NPRL3: variants seen among roughly 807,000 people sequenced by gnomAD.
NPRL3 encodes NPR3 like, GATOR1 complex subunit.
A neutral mutation model predicts 57.2 loss-of-function variants in NPRL3; 23 were observed. The observed-to-expected ratio is 0.40, with a 90% confidence interval of 0.29 to 0.57. The LOEUF is 0.57. NPRL3 is among the 20% of genes least tolerant of loss of function. The pLI, the probability that NPRL3 is intolerant of heterozygous loss-of-function variation, is 0.42. For synonymous variants in NPRL3, 333 were observed against 321.1 expected, an observed-to-expected ratio of 1.04 and a Z score of -0.39; for missense variants, 691 against 767.1, an observed-to-expected ratio of 0.90 and a Z score of 1.17.
Position 86,890 on chromosome 16 carries a change from GT to G in NPRL3, c.1545-21del. 3 of 1,604,436 alleles carry G rather than the reference GT, an allele frequency of 1.9e-6. No homozygotes were observed. Among genetic ancestry groups the G allele is most frequent in the Non-Finnish European group, 2.6e-6 (3 of 1,175,016 alleles). On this transcript the variant is annotated intron_variant, in intron 13 of 13. Transcript: ENST00000611875. The stretch of plus-strand genomic sequence containing the variant: ...AGGAGCCTGGAAGGGATGGGTGGGT[GT>G]GAGCCCAACCTGACACCAGCCCCCA...
intron 7 of NPRL3, among the ~76,000 whole-genome samples, chr16:102,859 G>A (rs1348325092): frequency 2.6e-5 from 4 of 152,266 alleles, no homozygotes; most frequent in East Asian, 3.9e-4. Context: ...CAAGTATGTC[G>A]GGGCAGACAG....
At chr16:134,694 ATT>A (rs34425237) in intron 2 of NPRL3, among the ~76,000 whole-genome samples, 47 of 103,414 alleles carry the variant, frequency 4.5e-4, no homozygotes, top group Middle Eastern at 6.0e-3. Flanking sequence ...AATTATTATT[ATT>A]TTTTTTTTTT....
chr16:92,785 T>C, intron 10 of NPRL3, 60 bp from the exon 11 acceptor site: 1 of 1,594,592 alleles, frequency 6.3e-7, no homozygotes, highest in Non-Finnish European at 8.5e-7. Flanking sequence ...TTCTCAACAC[T>C]GGCCTCAGTG....
rs370737314 is a variant in NPRL3, at chr16:134,821, C to T, written c.118+3329G>A. On this transcript the variant is annotated intron_variant, in intron 2 of 13. Transcript: ENST00000611875. ...GGTTCACGCCATTCTCCTGCCTCAG[C>T]CTCCCGAGTAGCTGGGACTACAGGC... 9.1e-3 allele frequency among the ~76,000 whole-genome samples: 1,364 copies of T among 150,396 alleles called. 30 individuals are homozygous for T. The highest frequency in any genetic ancestry group is 0.032 in the African/African-American group (1,294 of 40,970).
intron 8 of NPRL3, among the ~76,000 whole-genome samples, chr16:99,609 C>T (rs920396809): frequency 6.9e-6 from 1 of 144,430 alleles, no homozygotes; most frequent in African/African-American, 2.6e-5. Context: ...TGCCACTGCA[C>T]TTGAGCCCCG....
At chr16:106,719 G>A (rs1308883415) in intron 7 of NPRL3, among the ~76,000 whole-genome samples, 1 of 148,608 alleles carries the variant, frequency 6.7e-6, no homozygotes, top group Non-Finnish European at 1.5e-5. Flanking sequence ...TAATCTCACA[G>A]CTTCTGGTCT....
At chr16:121,923 C>T (rs1008977197) in intron 3 of NPRL3, among the ~76,000 whole-genome samples, 3 of 150,406 alleles carry the variant, frequency 2.0e-5, no homozygotes, top group Admixed American at 1.3e-4. Flanking sequence ...TAGAGGCACC[C>T]GCCACCACGC....
intron 3 of NPRL3, among the ~76,000 whole-genome samples, chr16:125,442 G>T (rs1900474941): frequency 6.6e-6 from 1 of 152,318 alleles, no homozygotes; most frequent in Middle Eastern, 3.4e-3. Context: ...GTCCGGCAAT[G>T]CTCCATTTCC....
Position 98,279 on chromosome 16 carries a change from G to A in NPRL3, c.790C>T (p.Leu264Phe). 6.2e-7 allele frequency: 1 copy of A among 1,613,876 alleles called. No homozygotes were observed. The highest frequency in any genetic ancestry group is 8.5e-7 in the Non-Finnish European group (1 of 1,179,846). The change falls in exon 9 of 14, where the codon CTC (leucine) becomes TTC (phenylalanine). Residue 264 changes from leucine (L) to phenylalanine (F), a missense_variant. Leu to Phe is a conservative substitution (Grantham distance 22). Coordinates refer to ENST00000611875, the MANE Select transcript of NPRL3 (RefSeq NM_001077350.3). Reference protein sequence around the residue: ...AIRPYHALLLLSDEKSLLGEL... With the variant: ...AIRPYHALLLFSDEKSLLGEL... ...CCCAGCAAGGACTTCTCATCACTGA[G>A]CAGCAGCAGGGCATGGTAGGGGCTG...
Position 103,296 on chromosome 16 carries a change from ATTTTTTTTTTTTTTT to A in NPRL3, c.630-2802_630-2788del, listed in dbSNP as rs533871530. Reference sequence around the variant, plus strand: ...GACGTGCAACATCACGCCTGGGGTGATTTTTTTTTTTTTTTTTTTTTTTTTTTTTGTAGAGACAGG... The same window carrying A: ...GACGTGCAACATCACGCCTGGGGTGATTTTTTTTTTTTTTGTAGAGACAGG... On this transcript the variant is annotated intron_variant, in intron 7 of 13. Transcript: ENST00000611875. 2.1e-4 allele frequency among the ~76,000 whole-genome samples: 9 copies of A among 42,126 alleles called. No individual in the cohort carries two copies. In the South Asian group the frequency reaches 3.6e-3, roughly 17 times the overall value. The allele number at this position is 42,126 out of a possible 152,430, so 27.6% of individuals were successfully genotyped here. A position where few individuals can be genotyped will look rare whatever the true frequency, so the allele number is the denominator to read the frequency against.
chr16:121,138 C>A (rs1900262257), intron 3 of NPRL3, among the ~76,000 whole-genome samples: 1 of 152,198 alleles, frequency 6.6e-6, no homozygotes, highest in Non-Finnish European at 1.5e-5. Context: ...AGGCACCAGT[C>A]CAGGGACCAA....
intron 4 of NPRL3, among the ~76,000 whole-genome samples, chr16:117,872 C>T (rs1232273461): frequency 1.3e-5 from 2 of 152,246 alleles, no homozygotes; most frequent in Admixed American, 1.3e-4. Context: ...GACCAGGGCG[C>T]TCAAGGGAAG....
intron 13 of NPRL3, among the ~76,000 whole-genome samples, chr16:87,631 C>G (rs1317280596): frequency 6.7e-6 from 1 of 149,080 alleles, no homozygotes; most frequent in East Asian, 1.9e-4. Context: ...GCCTTCCCGC[C>G]ATTCTCCTCC....
In NPRL3 at chr16:85,514, C is replaced by T. The variant is rs767632759; in HGVS notation, c.*1191G>A. On this transcript the variant is annotated 3_prime_UTR_variant, in exon 14 of 14. Coordinates refer to ENST00000611875, the MANE Select transcript of NPRL3 (RefSeq NM_001077350.3). ...CACCGCCAGCCGTGTCCTCAAGGAC[C>T]GCGAGCTCTGCAGTGGCCCCTCCAA... 19 of 1,613,264 alleles carry T rather than the reference C, an allele frequency of 1.2e-5. No homozygotes were observed. Among genetic ancestry groups the T allele is most frequent in the Admixed American group, 5.0e-5 (3 of 60,010 alleles).
intron 2 of NPRL3, among the ~76,000 whole-genome samples, chr16:133,055 G>A (rs1180113516): frequency 6.6e-6 from 1 of 152,192 alleles, no homozygotes; most frequent in Non-Finnish European, 1.5e-5. Context: ...TTCTTCTGCA[G>A]CTTCCTTACC....
chr16:128,538 G>A (rs569417539), intron 3 of NPRL3, among the ~76,000 whole-genome samples: 23 of 152,320 alleles, frequency 1.5e-4, no homozygotes, highest in African/African-American at 5.5e-4. Context: ...GGAGGCCGAG[G>A]CTGGTGGATC....
rs767348600 is a variant in NPRL3, at chr16:86,916, A to G, written c.1545-46T>C. 1.9e-6 allele frequency: 3 copies of G among 1,577,364 alleles called. No homozygotes were observed. In the East Asian group the frequency reaches 6.8e-5, roughly 36 times the overall value. On this transcript the variant is annotated intron_variant, in intron 13 of 13. Coordinates refer to ENST00000611875, the MANE Select transcript of NPRL3 (RefSeq NM_001077350.3). The stretch of plus-strand genomic sequence containing the variant: ...TGAGCCCAACCTGACACCAGCCCCC[A>G]GAGGCCTCTGCTGAAGAGCCACTGC...
intron 7 of NPRL3, among the ~76,000 whole-genome samples, chr16:103,996 C>T (rs1485857636): frequency 6.6e-6 from 1 of 152,116 alleles, no homozygotes; most frequent in Non-Finnish European, 1.5e-5. Flanking sequence ...TGCCTGTAAT[C>T]CCAGCTACTT....
At position 116,836 on chromosome 16, in the gene NPRL3, G is replaced by T. The variant is rs563294157; in HGVS notation, c.393+465C>A. ...CTAAAAATACAAAAATTAGCTGGGC[G>T]TGGTGGCGCACACCTGTAATCCCAG... On this transcript the variant is annotated intron_variant, in intron 5 of 13. Coordinates refer to ENST00000611875, the MANE Select transcript of NPRL3 (RefSeq NM_001077350.3). Among the ~76,000 whole-genome samples the T allele has an allele frequency of 3.4e-5, 5 of 149,180 alleles. No homozygotes were observed. In the South Asian group the frequency reaches 1.1e-3, roughly 32 times the overall value.
Sources: allele counts gnomAD v4.1 joint callset (sites outside exome capture counted in the v4.1 genomes callset), GRCh38; gene constraint gnomAD v4.1.1; transcripts MANE v1.5; gene names NCBI Gene and HGNC (gene_info 2026-07-23, HGNC 2026-07-21).